Variants in CNOT9 observed in about 807,000 individuals in gnomAD.
CNOT9 encodes CCR4-NOT transcription complex subunit 9.
CNOT9 carries 8 observed loss-of-function variants against 37.4 expected under a neutral mutation model. The observed-to-expected ratio is 0.21, with a 90% confidence interval of 0.13 to 0.39. CNOT9 has a LOEUF of 0.39. Among genes scored for constraint, CNOT9 ranks in the 10% least tolerant of loss-of-function variants. CNOT9 has a pLI of 1.00. For synonymous variants in CNOT9, 120 were observed against 137.6 expected (o/e 0.87, Z 0.90); for missense variants, 154 against 365.3 (o/e 0.42, Z 4.71).
Position 218,583,213 on chromosome 2 carries a change from GTGTGTGTGTGTGTGTGTGTGTCTCTCTC to G in CNOT9, c.320+129_320+156del, listed in dbSNP as rs1694459958. On this transcript the variant is annotated intron_variant, in intron 3 of 7. Transcript: ENST00000273064. ...AACGTTTGTGTGTGTGTGTGTGTGT[GTGTGTGTGTGTGTGTGTGTGTCTCTCTC>G]TCTCTCTCTCTCTCTCTCTCTCTCT... The G allele has an allele frequency of 1.1e-5, 4 of 367,494 alleles. No individual in the cohort carries two copies. In the East Asian group the frequency reaches 1.4e-4, roughly 13 times the overall value. 22.8% of individuals were successfully genotyped at this position (367,494 alleles called of 1,614,324 possible).
rs1574999919 is a variant in CNOT9, at chr2:218,593,810, G to C, written c.732-298G>C. 3 of 1,229,576 alleles carry C rather than the reference G, an allele frequency of 2.4e-6. No individual in the cohort carries two copies. In the East Asian group the frequency reaches 8.3e-5, roughly 34 times the overall value. The allele number at this position is 1,229,576 out of a possible 1,614,324, so 76.2% of individuals were successfully genotyped here. A position where few individuals can be genotyped will look rare whatever the true frequency, so the allele number is the denominator to read the frequency against. ...CATATATTTCTAACATGAGTATTTT[G>C]ACAGTATTTAATAAATCAGAAAGCT... is the stretch of plus-strand genomic sequence containing the variant. On this transcript the variant is annotated intron_variant, in intron 7 of 7. Coordinates refer to ENST00000273064, the MANE Select transcript of CNOT9 (RefSeq NM_005444.3).
At chr2:218,589,509 T>C (rs1193721941) in intron 5 of CNOT9, among the ~76,000 whole-genome samples, 1 of 152,176 alleles carries the variant, frequency 6.6e-6, no homozygotes, top group African/African-American at 2.4e-5. Flanking sequence ...TAATTATTTT[T>C]ATTTTTTGTA....
At chr2:218,582,014 G>A (rs1694402909) in intron 2 of CNOT9, among the ~76,000 whole-genome samples, 1 of 152,126 alleles carries the variant, frequency 6.6e-6, no homozygotes, top group African/African-American at 2.4e-5. Flanking sequence ...CCCAGGAGGT[G>A]GAGGCTGCAG....
rs943638760 is a variant in CNOT9, at chr2:218,596,739, G to A, written c.*2463G>A. The A allele has an allele frequency of 3.3e-5, 5 of 152,238 alleles. No homozygotes were observed. The highest frequency in any genetic ancestry group is 6.5e-5 in the Admixed American group (1 of 15,282). The allele number at this position is 152,238 out of a possible 1,614,324, so 9.4% of individuals were successfully genotyped here. A position where few individuals can be genotyped will look rare whatever the true frequency, so the allele number is the denominator to read the frequency against. On this transcript the variant is annotated 3_prime_UTR_variant, in exon 8 of 8. Coordinates refer to ENST00000273064, the MANE Select transcript of CNOT9 (RefSeq NM_005444.3). ...CCATATTGGCCAGAACTTAGTGCCA[G>A]TGTAGGGAGAGACTTCCATAGTGAC...
chr2:218,583,219 GTGTGTGTGTGTGTGTCTCTCTCTC>G lies in CNOT9; in HGVS notation c.320+135_320+158del, dbSNP rs1472273614. 1.4e-3 allele frequency: 540 copies of G among 384,778 alleles called. 2 individuals carry two copies. The highest frequency in any genetic ancestry group is 1.8e-3 in the Non-Finnish European group (394 of 216,882). 23.8% of individuals were successfully genotyped at this position (384,778 alleles called of 1,614,324 possible). ...TGTGTGTGTGTGTGTGTGTGTGTGTGTGTGTGTGTGTGTGTCTCTCTCTCTCTCTCTCTCTCTCTCTCTCTCTCT... is the reference window on the plus strand; with the variant it reads ...TGTGTGTGTGTGTGTGTGTGTGTGTGTCTCTCTCTCTCTCTCTCTCTCTCT... On this transcript the variant is annotated intron_variant, in intron 3 of 7. Coordinates refer to ENST00000273064, the MANE Select transcript of CNOT9 (RefSeq NM_005444.3).
At chr2:218,586,574 C>T (rs914543682) in intron 4 of CNOT9, among the ~76,000 whole-genome samples, 1 of 151,886 alleles carries the variant, frequency 6.6e-6, no homozygotes, top group East Asian at 1.9e-4. Flanking sequence ...CTGCACCCTC[C>T]GCCTCCTGGG....
intron 3 of CNOT9, among the ~76,000 whole-genome samples, chr2:218,583,844 G>T (rs1468622831): frequency 6.6e-6 from 1 of 152,180 alleles, no homozygotes; most frequent in Admixed American, 6.5e-5. Flanking sequence ...TCTACAAGGT[G>T]TAACTATAAA....
At position 218,594,364 on chromosome 2, in the gene CNOT9, TG is replaced by T. The variant is rs1694870131; in HGVS notation, c.*91del. ...AAACAGCTCAGGTTTTATCACCGAC[TG>T]GGAATAGACAACCTCAATGCTGAAC... On this transcript the variant is annotated 3_prime_UTR_variant, in exon 8 of 8. Transcript: ENST00000273064. 1 of 1,399,930 alleles carries T rather than the reference TG, an allele frequency of 7.1e-7. No individual in the cohort carries two copies. The highest frequency in any genetic ancestry group is 9.7e-7 in the Non-Finnish European group (1 of 1,026,926). 86.7% of individuals were successfully genotyped at this position (1,399,930 alleles called of 1,614,324 possible). A position where few individuals can be genotyped will look rare whatever the true frequency, so the allele number is the denominator to read the frequency against.
intron 1 of CNOT9, among the ~76,000 whole-genome samples, chr2:218,576,063 A>G (rs971244745): frequency 2.0e-5 from 3 of 152,302 alleles, no homozygotes; most frequent in Admixed American, 6.5e-5. Context: ...AAATGAAACC[A>G]TGTTTTTAAA....
At chr2:218,570,024 G>A (rs1693925274) in intron 1 of CNOT9, among the ~76,000 whole-genome samples, 1 of 152,132 alleles carries the variant, frequency 6.6e-6, no homozygotes, top group South Asian at 2.1e-4. Flanking sequence ...TCTCCTTGAG[G>A]GCAGGGACAG....
intron 4 of CNOT9, among the ~76,000 whole-genome samples, chr2:218,586,975 C>G (rs890654989): frequency 2.6e-5 from 4 of 152,138 alleles, no homozygotes; most frequent in African/African-American, 9.7e-5. Context: ...CATATACTAC[C>G]TGAGTTCCAC....
intron 2 of CNOT9, chr2:218,581,004 A>T: frequency 1.8e-6 from 1 of 560,566 alleles, no homozygotes; most frequent in South Asian, 1.5e-5. Context: ...GGTGATTGTG[A>T]TGCAAGTGAT....
At chr2:218,569,638 C>T (rs1693893191) in intron 1 of CNOT9, among the ~76,000 whole-genome samples, 1 of 152,192 alleles carries the variant, frequency 6.6e-6, no homozygotes, top group Non-Finnish European at 1.5e-5. Flanking sequence ...TGGTACTTAA[C>T]CCACGTTTAT....
chr2:218,575,868 T>C lies in CNOT9; in HGVS notation c.25-4693T>C, dbSNP rs149612174. 5.3e-5 allele frequency among the ~76,000 whole-genome samples: 8 copies of C among 152,196 alleles called. No individual in the cohort carries two copies. The East Asian group carries it at 1.5e-3, about 29-fold the overall frequency. On this transcript the variant is annotated intron_variant, in intron 1 of 7. Transcript: ENST00000273064. ...GAGCAATGTGTGCTACTAGATTGAG[T>C]TCCATATCAGCCACAGCCTTAGAAA... is the stretch of plus-strand genomic sequence containing the variant.
At chr2:218,573,197 A>G (rs972200459) in intron 1 of CNOT9, among the ~76,000 whole-genome samples, 3 of 152,046 alleles carry the variant, frequency 2.0e-5, no homozygotes, top group Non-Finnish European at 2.9e-5. Flanking sequence ...ATGCGCTTGT[A>G]ATCCCAGCTA....
chr2:218,580,819 G>A, intron 2 of CNOT9, 79 bp downstream of exon 2: 1 of 1,310,456 alleles, frequency 7.6e-7, no homozygotes, highest in South Asian at 1.3e-5. Flanking sequence ...CAAATGATTT[G>A]AAGACTTTAG....
chr2:218,573,294 G>A (rs1279499516), intron 1 of CNOT9, among the ~76,000 whole-genome samples: 1 of 149,512 alleles, frequency 6.7e-6, no homozygotes, highest in Non-Finnish European at 1.5e-5. Flanking sequence ...CTCGAGCCTG[G>A]GCAACAAGAG....
intron 5 of CNOT9, among the ~76,000 whole-genome samples, chr2:218,590,975 G>A (rs1694754385): frequency 6.6e-6 from 1 of 152,122 alleles, no homozygotes; most frequent in African/African-American, 2.4e-5. Context: ...ACCAGCATGG[G>A]TCACTTTGCC....
At chr2:218,593,768 TTTTA>T in intron 7 of CNOT9, 8 of 1,209,108 alleles carry the variant, frequency 6.6e-6, no homozygotes, top group Non-Finnish European at 8.5e-6. Context: ...TTTTGAATTA[TTTTA>T]TTTGCCATAA....
Sources: gnomAD v4.1 joint callset for allele counts (sites outside exome capture counted in the v4.1 genomes callset) on GRCh38, gnomAD v4.1.1 for gene constraint, MANE v1.5 for transcripts, NCBI Gene and HGNC (gene_info 2026-07-23, HGNC 2026-07-21) for gene names.